Variants in SVIL observed in about 807,000 individuals in gnomAD.
SVIL encodes archvillin.
Under a neutral mutation model 240.4 loss-of-function variants are expected in SVIL, and 101 were observed. That is an observed-to-expected ratio of 0.42 (90% CI 0.36 to 0.50). The LOEUF (loss-of-function observed/expected upper bound fraction) is 0.50, where lower values mean the gene tolerates loss of function less well. Among genes scored for constraint, SVIL ranks in the 20% least tolerant of loss-of-function variants. The pLI is 0.01. For synonymous variants in SVIL, 999 were observed against 1,100.0 expected, an observed-to-expected ratio of 0.91 and a Z score of 1.82; for missense variants, 2,512 against 2,818.7, an observed-to-expected ratio of 0.89 and a Z score of 2.46.
At chr10:29,527,764 C>T (rs1220177017) in intron 12 of SVIL, among the ~76,000 whole-genome samples, 30 of 125,320 alleles carry the variant, frequency 2.4e-4, no homozygotes, top group African/African-American at 7.2e-4. Context: ...CTCACTCTGT[C>T]GCCCAGGCTG....
At chr10:29,641,340 G>A (rs1159520662) in intron 3 of SVIL, among the ~76,000 whole-genome samples, 1 of 152,132 alleles carries the variant, frequency 6.6e-6, no homozygotes, top group African/African-American at 2.4e-5. Context: ...GAAGGCGGAG[G>A]TGGGAGGATC....
chr10:29,570,505 C>G (rs12220772), intron 1 of SVIL, among the ~76,000 whole-genome samples: 1 of 152,224 alleles, frequency 6.6e-6, no homozygotes, highest in Admixed American at 6.5e-5. Context: ...ACATTGAAAG[C>G]ATGTATTTTC....
At chr10:29,538,634 GA>G (rs1486321933) in intron 6 of SVIL, among the ~76,000 whole-genome samples, 1 of 152,246 alleles carries the variant, frequency 6.6e-6, no homozygotes, top group Non-Finnish European at 1.5e-5. Context: ...ACCATGAGGG[GA>G]ACGACCCATC....
intron 29 of SVIL, among the ~76,000 whole-genome samples, chr10:29,478,769 A>G (rs1946482325): frequency 6.6e-6 from 1 of 151,458 alleles, no homozygotes; most frequent in South Asian, 2.1e-4. Context: ...AAAAAAAAAG[A>G]AAAAATTAGC....
At chr10:29,553,386 C>T (rs974071000) in intron 5 of SVIL, among the ~76,000 whole-genome samples, 4 of 152,070 alleles carry the variant, frequency 2.6e-5, no homozygotes, top group African/African-American at 4.8e-5. Flanking sequence ...CGAGACCAGC[C>T]TCGCCAACAT....
intron 1 of SVIL, among the ~76,000 whole-genome samples, chr10:29,687,846 C>T (rs937761055): frequency 1.8e-4 from 28 of 152,174 alleles, no homozygotes; most frequent in African/African-American, 6.8e-4. Context: ...GGATTATGCC[C>T]TTAAGATGGC....
At chr10:29,599,439 A>G (rs951811321) in intron 1 of SVIL, among the ~76,000 whole-genome samples, 48 of 150,738 alleles carry the variant, frequency 3.2e-4, no homozygotes, top group Non-Finnish European at 5.3e-4. Context: ...TTTTTGAGAC[A>G]GAGTCTCGCT....
chr10:29,582,599 G>A (rs537294667), intron 1 of SVIL, among the ~76,000 whole-genome samples: 2 of 152,100 alleles, frequency 1.3e-5, no homozygotes, highest in African/African-American at 4.8e-5. Flanking sequence ...AATTAGCCAG[G>A]AATGATGGTG....
chr10:29,665,597 C>A (rs1404906886), intron 2 of SVIL, among the ~76,000 whole-genome samples: 1 of 152,110 alleles, frequency 6.6e-6, no homozygotes, highest in African/African-American at 2.4e-5. Context: ...AGATCGAGAC[C>A]ATCCTGGCTA....
At chr10:29,588,340 A>G (rs1214576267) in intron 1 of SVIL, among the ~76,000 whole-genome samples, 1 of 151,768 alleles carries the variant, frequency 6.6e-6, no homozygotes, top group South Asian at 2.1e-4. Context: ...CGCATCTGAC[A>G]CTTCGTCCCT....
At chr10:29,541,446 T>G (rs537605147) in intron 6 of SVIL, among the ~76,000 whole-genome samples, 40 of 152,340 alleles carry the variant, frequency 2.6e-4, no homozygotes, top group African/African-American at 9.6e-4. Context: ...AAATTATACC[T>G]CATTTAAAAA....
chr10:29,481,544 G>A (rs747431828), intron 28 of SVIL, 40 bp downstream of exon 28: 35 of 1,611,090 alleles, frequency 2.2e-5, no homozygotes, highest in Non-Finnish European at 2.8e-5. Context: ...ATTGGGACCC[G>A]AACCAAGCCC....
chr10:29,633,465 A>G (rs1243564652), intron 1 of SVIL, among the ~76,000 whole-genome samples: 2 of 152,108 alleles, frequency 1.3e-5, no homozygotes, highest in Non-Finnish European at 2.9e-5. Context: ...ATCCTCCCAA[A>G]TGCCAGTGAG....
intron 1 of SVIL, among the ~76,000 whole-genome samples, chr10:29,695,962 C>T (rs1360539332): frequency 6.9e-6 from 1 of 144,580 alleles, no homozygotes; most frequent in African/African-American, 2.6e-5. Context: ...TCTCCCGTCT[C>T]CCTCTCCCTC....
chr10:29,573,002 G>A (rs1212459607), intron 1 of SVIL, among the ~76,000 whole-genome samples: 1 of 151,840 alleles, frequency 6.6e-6, no homozygotes, highest in Non-Finnish European at 1.5e-5. Flanking sequence ...TAAGGAATAA[G>A]TCTATTCTAA....
At chr10:29,575,400 G>T (rs1455046997) in intron 1 of SVIL, 1 of 216,254 alleles carries the variant, frequency 4.6e-6, no homozygotes, top group Non-Finnish European at 9.9e-6. Flanking sequence ...TAACAATTGT[G>T]AGACAAGAAG....
rs928445543 is a variant in SVIL at position 29,691,267 on chromosome 10, A to G, written c.-399-4616T>C. On this transcript the variant is annotated intron_variant, in intron 1 of 35. Coordinates refer to the SVIL transcript ENST00000375400. ...CACTCTGTCGCCCAGGCTGGAGTGC[A>G]GTGGTGCGATCTCGGCTCACTGCAA... 2.0e-5 allele frequency among the ~76,000 whole-genome samples: 3 copies of G among 149,022 alleles called. No homozygotes were observed. In the Admixed American group the frequency reaches 2.0e-4, roughly 10 times the overall value.
chr10:29,506,948 G>GT (rs1949403744), intron 17 of SVIL, among the ~76,000 whole-genome samples: 1 of 152,184 alleles, frequency 6.6e-6, no homozygotes, highest in South Asian at 2.1e-4. Context: ...TTGCAGAGTT[G>GT]TTTTGACACC....
intron 1 of SVIL, among the ~76,000 whole-genome samples, chr10:29,714,718 G>A (rs1004848079): frequency 6.6e-6 from 1 of 152,010 alleles, no homozygotes; most frequent in African/African-American, 2.4e-5. Context: ...CCAGCTCTTT[G>A]GGATGCTGAG....
Sources: gnomAD v4.1 joint callset for allele counts (sites outside exome capture counted in the v4.1 genomes callset) on GRCh38, gnomAD v4.1.1 for gene constraint, MANE v1.5 for transcripts, NCBI Gene and HGNC (gene_info 2026-07-23, HGNC 2026-07-21) for gene names.